The following DCC variants were observed in gnomAD, a reference collection of about 807,000 sequenced individuals.
DCC encodes the protein netrin receptor DCC.
DCC carries 58 observed loss-of-function variants against 172.5 expected under a neutral mutation model. The observed-to-expected ratio is 0.34, with a 90% CI of 0.27 to 0.42. The LOEUF (loss-of-function observed/expected upper bound fraction) is 0.42, where lower values mean the gene tolerates loss of function less well. Among genes scored for constraint, DCC ranks in the 10% least tolerant of loss-of-function variants. The pLI is 1.00. For missense variants in DCC, 1,740 were observed against 1,791.0 expected, an observed-to-expected ratio of 0.97 and a Z score of 0.51; for synonymous variants, 709 against 644.5, an observed-to-expected ratio of 1.10 and a Z score of -1.52.
At chr18:53,376,482 A>G (rs529825104) in intron 15 of DCC, among the ~76,000 whole-genome samples, 1 of 152,368 alleles carries the variant, frequency 6.6e-6, no homozygotes, top group Non-Finnish European at 1.5e-5. Context: ...AAGCTATCAT[A>G]TAAATTTGGT....
At chr18:53,049,928 C>A (rs1225278592) in intron 5 of DCC, among the ~76,000 whole-genome samples, 1 of 152,050 alleles carries the variant, frequency 6.6e-6, no homozygotes, top group African/African-American at 2.4e-5. Flanking sequence ...AGCAAGGAAA[C>A]CAGCAGTGGC....
intron 7 of DCC, among the ~76,000 whole-genome samples, chr18:53,078,850 A>G (rs2042759538): frequency 6.6e-6 from 1 of 152,158 alleles, no homozygotes. Context: ...TTGAAATTAA[A>G]ATGCCCCATC....
At chr18:52,631,806 GAAGGACTC>G (rs967193347) in intron 1 of DCC, among the ~76,000 whole-genome samples, 2 of 152,182 alleles carry the variant, frequency 1.3e-5, no homozygotes, top group East Asian at 1.9e-4. Flanking sequence ...TTGGCCAAAT[GAAGGACTC>G]AAGGACTCAA....
At chr18:52,497,970 A>G (rs1255705147) in intron 1 of DCC, among the ~76,000 whole-genome samples, 2 of 152,174 alleles carry the variant, frequency 1.3e-5, no homozygotes, top group African/African-American at 2.4e-5. Flanking sequence ...TTTATAGGCT[A>G]TTCAGTCTAT....
At chr18:52,893,919 T>C (rs567208865) in intron 2 of DCC, among the ~76,000 whole-genome samples, 11 of 151,992 alleles carry the variant, frequency 7.2e-5, no homozygotes, top group Admixed American at 2.0e-4. Context: ...AAAAAAACAG[T>C]ATCAGGCTCT....
intron 12 of DCC, among the ~76,000 whole-genome samples, chr18:53,254,312 G>C (rs1006175389): frequency 6.6e-6 from 1 of 151,944 alleles, no homozygotes; most frequent in African/African-American, 2.4e-5. Flanking sequence ...TTTCAGATTC[G>C]CCTATTACTA....
chr18:52,668,859 G>GTC (rs1306634958), intron 1 of DCC, among the ~76,000 whole-genome samples: 2 of 152,200 alleles, frequency 1.3e-5, no homozygotes, highest in African/African-American at 4.8e-5. Flanking sequence ...CTCAACTCTT[G>GTC]TCTCTTCAGT....
At chr18:52,884,488 T>G (rs1313016530) in intron 2 of DCC, among the ~76,000 whole-genome samples, 1 of 152,188 alleles carries the variant, frequency 6.6e-6, no homozygotes, top group Non-Finnish European at 1.5e-5. Context: ...GGGACTCTGA[T>G]GCATTCTTCA....
At chr18:52,488,509 G>T (rs189925494) in intron 1 of DCC, among the ~76,000 whole-genome samples, 51 of 152,214 alleles carry the variant, frequency 3.4e-4, no homozygotes, top group Non-Finnish European at 5.0e-4. Flanking sequence ...AGGAAAATCT[G>T]CAGGTAGAAA....
At chr18:52,460,088 C>A (rs184345571) in intron 1 of DCC, among the ~76,000 whole-genome samples, 4 of 151,968 alleles carry the variant, frequency 2.6e-5, no homozygotes, top group Non-Finnish European at 5.9e-5. Context: ...AGATATTTTC[C>A]CATGGTAATA....
At chr18:53,059,725 T>A (rs117313217) in intron 5 of DCC, among the ~76,000 whole-genome samples, 20 of 152,258 alleles carry the variant, frequency 1.3e-4, no homozygotes, top group African/African-American at 4.6e-4. Context: ...GAAAATAATA[T>A]TATTTTGTAG....
chr18:52,344,097 G>C (rs543767033), intron 1 of DCC, among the ~76,000 whole-genome samples: 1 of 152,370 alleles, frequency 6.6e-6, no homozygotes, highest in East Asian at 1.9e-4. Flanking sequence ...TTGAGATGCT[G>C]ATAGGCATTT....
chr18:52,529,843 C>G (rs551811579), intron 1 of DCC, among the ~76,000 whole-genome samples: 7 of 152,230 alleles, frequency 4.6e-5, no homozygotes, highest in Non-Finnish European at 7.4e-5. Context: ...AATGTCTGCT[C>G]CAGGAACAGT....
At chr18:52,625,555 C>T (rs1771458383) in intron 1 of DCC, among the ~76,000 whole-genome samples, 1 of 151,962 alleles carries the variant, frequency 6.6e-6, no homozygotes, top group Non-Finnish European at 1.5e-5. Context: ...ATTAATGTTT[C>T]TCTCTCTACT....
chr18:53,196,662 T>G (rs1487930343), intron 9 of DCC, among the ~76,000 whole-genome samples: 4 of 152,116 alleles, frequency 2.6e-5, no homozygotes, highest in African/African-American at 4.8e-5. Context: ...ATAGATTACA[T>G]CCATCATCTA....
At position 53,341,797 on chromosome 18, in the gene DCC, C is replaced by T. The variant is rs775824810; in HGVS notation, c.2359+1890C>T. Among the ~76,000 whole-genome samples, 64 of 152,112 alleles carry T rather than the reference C, an allele frequency of 4.2e-4. 1 individual carries two copies. The highest frequency in any genetic ancestry group is 5.4e-4 in the Non-Finnish European group (37 of 68,010). On this transcript the variant is annotated intron_variant, in intron 15 of 28. Coordinates refer to ENST00000442544, the MANE Select transcript of DCC (RefSeq NM_005215.4). ...AAAGATAAGGATTTATTCAAGTCCA[C>T]GTTCATGCTGCAAATAAATCACCAA...
chr18:53,450,224 C>T (rs2045391836), intron 22 of DCC, among the ~76,000 whole-genome samples: 1 of 151,880 alleles, frequency 6.6e-6, no homozygotes, highest in Non-Finnish European at 1.5e-5. Context: ...ATTTATCAGT[C>T]CATAGACATT....
rs887636696 is a variant in DCC at position 52,435,103 on chromosome 18, A to G, written c.91+94225A>G. 2.0e-5 allele frequency among the ~76,000 whole-genome samples: 3 copies of G among 152,212 alleles called. No homozygotes were observed. The South Asian group carries it at 6.2e-4, about 32-fold the overall frequency. ...AGCTTCTTCGCATGTGGGCCCTCAC[A>G]TTCTGGCCCAAAGAGGCCAGTAAAA... On this transcript the variant is annotated intron_variant, in intron 1 of 28. Coordinates refer to ENST00000442544, the MANE Select transcript of DCC (RefSeq NM_005215.4).
At chr18:52,969,028 G>T (rs550111336) in intron 5 of DCC, among the ~76,000 whole-genome samples, 6 of 151,666 alleles carry the variant, frequency 4.0e-5, no homozygotes, top group East Asian at 1.9e-4. Context: ...AAAAAAAAAC[G>T]GTTCTCCTGG....
Sources: allele counts gnomAD v4.1 joint callset (sites outside exome capture counted in the v4.1 genomes callset), GRCh38; gene constraint gnomAD v4.1.1; transcripts MANE v1.5; gene names NCBI Gene and HGNC (gene_info 2026-07-23, HGNC 2026-07-21).